Variants in MEGF9 observed in about 807,000 individuals in gnomAD.
The protein encoded by MEGF9 is multiple EGF like domains 9.
MEGF9 carries 6 observed loss-of-function variants against 46.8 expected under a neutral mutation model. The ratio of observed to expected loss-of-function variants is 0.13; its 90% CI spans 0.07 to 0.25. The LOEUF is 0.25. Ranked by LOEUF, MEGF9 falls within the 10% of genes least tolerant of loss-of-function variation. MEGF9 has a pLI of 1.00. For synonymous variants in MEGF9, 302 were observed against 330.7 expected (o/e 0.91, Z 0.94); for missense variants, 683 against 792.4 (o/e 0.86, Z 1.66).
chr9:120,650,389 C>A (rs2043644407), intron 2 of MEGF9, among the ~76,000 whole-genome samples: 1 of 152,218 alleles, frequency 6.6e-6, no homozygotes, highest in African/African-American at 2.4e-5. Flanking sequence ...TCAGGAAAAA[C>A]ATTTGAAATG....
intron 1 of MEGF9, among the ~76,000 whole-genome samples, chr9:120,712,166 G>C (rs1408164497): frequency 6.6e-6 from 1 of 152,176 alleles, no homozygotes; most frequent in Admixed American, 6.5e-5. Context: ...GCTGAGGTGG[G>C]AGGATCGCTT....
At chr9:120,618,590 T>C (rs2043482680) in intron 3 of MEGF9, among the ~76,000 whole-genome samples, 1 of 152,116 alleles carries the variant, frequency 6.6e-6, no homozygotes, top group Non-Finnish European at 1.5e-5. Context: ...AAAATCATCC[T>C]AGGAAATCTC....
intron 1 of MEGF9, among the ~76,000 whole-genome samples, chr9:120,713,557 C>T (rs1488571702): frequency 6.6e-6 from 1 of 152,200 alleles, no homozygotes; most frequent in Non-Finnish European, 1.5e-5. Context: ...CCCGAGGGAG[C>T]ACAGCCCACG....
intron 4 of MEGF9, among the ~76,000 whole-genome samples, chr9:120,611,885 GAAAGAA>G (rs2043448920): frequency 6.7e-6 from 1 of 148,308 alleles, no homozygotes; most frequent in African/African-American, 2.5e-5. Flanking sequence ...GAGAGAGAGA[GAAAGAA>G]AGAAAGAAAG....
At chr9:120,688,232 T>C (rs1294543759) in intron 1 of MEGF9, among the ~76,000 whole-genome samples, 1 of 151,720 alleles carries the variant, frequency 6.6e-6, no homozygotes, top group Non-Finnish European at 1.5e-5. Context: ...GAAGGTCAGA[T>C]TCAAGTGAAG....
At position 120,605,612 on chromosome 9, in the gene MEGF9, T is replaced by C; in HGVS notation, c.1387A>G (p.Thr463Ala). 1.9e-6 allele frequency: 3 copies of C among 1,588,090 alleles called. No individual in the cohort carries two copies. The highest frequency in any genetic ancestry group is 2.6e-6 in the Non-Finnish European group (3 of 1,165,726). Reference sequence around the variant, plus strand: ...AAAGAGGCATTGGAAACCAAAATGGTAGAACCTTCAGGTGTTGGAAGAATA... The same window carrying C: ...AAAGAGGCATTGGAAACCAAAATGGCAGAACCTTCAGGTGTTGGAAGAATA... ...EVILPTPEGS[T>A]ILVSNASLTT... Residue 463 changes from threonine to alanine, a missense_variant, in exon 6 of 6, where the codon ACC (threonine) becomes GCC (alanine). Thr to Ala is a moderately conservative substitution (Grantham distance 58). Coordinates refer to ENST00000373930, the MANE Select transcript of MEGF9 (RefSeq NM_001080497.3). The surrounding 1 kb of genome is among the most constrained non-coding windows in gnomAD (Gnocchi z 4.0).
At position 120,695,189 on chromosome 9, in the gene MEGF9, T is replaced by C. The variant is rs115876469; in HGVS notation, c.601+18569A>G. Among the ~76,000 whole-genome samples the C allele has an allele frequency of 3.5e-3, 526 of 152,282 alleles. 6 individuals are homozygous for C. Among genetic ancestry groups the C allele is most frequent in the African/African-American group, 0.012 (503 of 41,568 alleles). The stretch of plus-strand genomic sequence containing the variant: ...AGTATTTACTACATGCTGAACACTA[T>C]CCTATGTACATGTTAGGGAGTGCCA... On this transcript the variant is annotated intron_variant, in intron 1 of 5. Coordinates refer to ENST00000373930, the MANE Select transcript of MEGF9 (RefSeq NM_001080497.3).
In MEGF9 at chr9:120,601,150, A is replaced by T. The variant is rs2043393843; in HGVS notation, c.*4040T>A. The T allele has an allele frequency of 6.5e-6, 1 of 152,672 alleles. No homozygotes were observed. Among genetic ancestry groups the T allele is most frequent in the East Asian group, 1.9e-4 (1 of 5,196 alleles). The allele number at this position is 152,672 out of a possible 1,614,324, so 9.5% of individuals were successfully genotyped here. On this transcript the variant is annotated 3_prime_UTR_variant, in exon 6 of 6. Coordinates refer to ENST00000373930, the MANE Select transcript of MEGF9 (RefSeq NM_001080497.3). The stretch of plus-strand genomic sequence containing the variant: ...TGCTCGGCCTATAATTTAATGTATT[A>T]TAGAGTGCTTATGCCTAGCATTACA...
intron 1 of MEGF9, among the ~76,000 whole-genome samples, chr9:120,692,275 T>C (rs1236321033): frequency 6.6e-6 from 1 of 152,188 alleles, no homozygotes; most frequent in Non-Finnish European, 1.5e-5. Context: ...GGTAGCTTTG[T>C]CAAGTCTCTA....
intron 2 of MEGF9, among the ~76,000 whole-genome samples, chr9:120,650,270 A>G (rs2043643949): frequency 5.9e-5 from 9 of 152,232 alleles, no homozygotes. Context: ...CCCTGATAAC[A>G]TTTTAAGAAC....
At chr9:120,656,608 C>A (rs1457477525) in intron 2 of MEGF9, among the ~76,000 whole-genome samples, 1 of 151,090 alleles carries the variant, frequency 6.6e-6, no homozygotes, top group African/African-American at 2.4e-5. Flanking sequence ...TAGTAGAGTG[C>A]CCTAGCATAT....
intron 1 of MEGF9, among the ~76,000 whole-genome samples, chr9:120,662,762 A>G (rs1384361333): frequency 6.6e-6 from 1 of 152,248 alleles, no homozygotes; most frequent in African/African-American, 2.4e-5. Context: ...TTCACAGGCT[A>G]TAGCTTCGTT....
chr9:120,656,546 CAAAAAAAAAAA>C (rs11446439), intron 2 of MEGF9, among the ~76,000 whole-genome samples: 2 of 88,924 alleles, frequency 2.2e-5, no homozygotes, highest in Non-Finnish European at 4.2e-5. Flanking sequence ...GACTCCGTCT[CAAAAAAAAAAA>C]AAAAAAAAAA....
chr9:120,695,257 A>G (rs954334599), intron 1 of MEGF9, among the ~76,000 whole-genome samples: 33 of 152,274 alleles, frequency 2.2e-4, no homozygotes, highest in African/African-American at 7.9e-4. Context: ...AGAAAAGGTA[A>G]AGAGGAGTCA....
chr9:120,650,145 C>T (rs749381887), intron 2 of MEGF9, among the ~76,000 whole-genome samples: 23 of 152,028 alleles, frequency 1.5e-4, no homozygotes, highest in East Asian at 3.9e-4. Flanking sequence ...GGCGGGTGCC[C>T]GTAATCCCAG....
chr9:120,697,452 C>T (rs1049075883), intron 1 of MEGF9, among the ~76,000 whole-genome samples: 20 of 151,140 alleles, frequency 1.3e-4, no homozygotes, highest in Admixed American at 7.9e-4. Flanking sequence ...TATTGTTATG[C>T]ATTAGCATCT....
In MEGF9 at chr9:120,694,664, T is replaced by C. The variant is rs1024243514; in HGVS notation, c.601+19094A>G. 1.3e-5 allele frequency among the ~76,000 whole-genome samples: 2 copies of C among 152,294 alleles called. 1 individual carries two copies. The highest frequency in any genetic ancestry group is 4.1e-4 in the South Asian group (2 of 4,822). ...TGCAATCTCATGATACAGCTGGTTATACACAAAAGGAGGCCAAAAAGAAAG... is the reference window on the plus strand; with the variant it reads ...TGCAATCTCATGATACAGCTGGTTACACACAAAAGGAGGCCAAAAAGAAAG... On this transcript the variant is annotated intron_variant, in intron 1 of 5. Coordinates refer to ENST00000373930, the MANE Select transcript of MEGF9 (RefSeq NM_001080497.3).
intron 1 of MEGF9, among the ~76,000 whole-genome samples, chr9:120,712,616 C>T (rs535263735): frequency 2.0e-5 from 3 of 152,296 alleles, no homozygotes. Context: ...TGCCAAGCTC[C>T]AACCCAAGGA....
rs574286293 is a variant in MEGF9, at chr9:120,674,038, C to A, written c.602-14463G>T. Among the ~76,000 whole-genome samples, 22 of 150,062 alleles carry A rather than the reference C, an allele frequency of 1.5e-4. No individual in the cohort carries two copies. The South Asian group carries it at 4.4e-3, about 30-fold the overall frequency. Reference sequence around the variant, plus strand: ...CTAAATGTAAAATGTAAAACTATAACACTTCTAGAAGAAAACACAGAAGAA... The same window carrying A: ...CTAAATGTAAAATGTAAAACTATAAAACTTCTAGAAGAAAACACAGAAGAA... On this transcript the variant is annotated intron_variant, in intron 1 of 5. Transcript: ENST00000373930.
Sources: allele counts gnomAD v4.1 joint callset (sites outside exome capture counted in the v4.1 genomes callset), GRCh38; gene constraint gnomAD v4.1.1; non-coding constraint Gnocchi (gnomAD v3.1); transcripts MANE v1.5; gene names NCBI Gene and HGNC (gene_info 2026-07-23, HGNC 2026-07-21).